RBFOX1: variants seen among roughly 807,000 people sequenced by gnomAD.
RBFOX1 encodes RNA binding fox-1 homolog 1.
RBFOX1 carries 8 observed loss-of-function variants against 57.7 expected under a neutral mutation model. The observed-to-expected ratio is 0.14, with a 90% CI of 0.08 to 0.25. The LOEUF (loss-of-function observed/expected upper bound fraction) is 0.25, where lower values mean the gene tolerates loss of function less well. Among genes scored for constraint, RBFOX1 ranks in the 10% least tolerant of loss-of-function variants. The probability of loss-of-function intolerance (pLI) is 1.00; values close to 1 mark genes in which losing one functional copy is unlikely to be tolerated. For synonymous variants in RBFOX1, 326 were observed against 222.4 expected, an observed-to-expected ratio of 1.47 and a Z score of -4.15; for missense variants, 611 against 548.5, an observed-to-expected ratio of 1.11 and a Z score of -1.14.
intron 3 of RBFOX1, among the ~76,000 whole-genome samples, chr16:6,659,724 A>C (rs1340220534): frequency 6.6e-6 from 1 of 152,158 alleles, no homozygotes; most frequent in African/African-American, 2.4e-5. Flanking sequence ...TAGCTGGTTC[A>C]CAGTGAGGAT....
Position 7,438,383 on chromosome 16 carries a change from G to T in RBFOX1, c.28-79764G>T, listed in dbSNP as rs914983130. On this transcript the variant is annotated intron_variant, in intron 4 of 15. Transcript: ENST00000550418. ...CTCTGGGGCCACGGTGAGCATGATG[G>T]TGAGACAGGTTCATTTTATTAAATT... Among the ~76,000 whole-genome samples, 4 of 152,106 alleles carry T rather than the reference G, an allele frequency of 2.6e-5. No individual in the cohort carries two copies. In the East Asian group the frequency reaches 5.8e-4, roughly 22 times the overall value.
chr16:7,271,351 G>C (rs565654869), intron 4 of RBFOX1, among the ~76,000 whole-genome samples: 1 of 151,632 alleles, frequency 6.6e-6, no homozygotes, highest in South Asian at 2.1e-4. Flanking sequence ...GTTATTTCTT[G>C]GGGGGAGCTC....
Position 6,019,804 on chromosome 16 carries a change from G to A in RBFOX1, c.-315G>A, listed in dbSNP as rs980117183. 7 of 1,489,214 alleles carry A rather than the reference G, an allele frequency of 4.7e-6. No homozygotes were observed. The highest frequency in any genetic ancestry group is 6.3e-6 in the Non-Finnish European group (7 of 1,118,608). The allele number at this position is 1,489,214 out of a possible 1,614,324, so 92.3% of individuals were successfully genotyped here. ...GTCCCCGCCTGTCCGGACCCTCGCCGCGCCCAGGCAGGCGCGCCAGGGCGG... is the reference window on the plus strand; with the variant it reads ...GTCCCCGCCTGTCCGGACCCTCGCCACGCCCAGGCAGGCGCGCCAGGGCGG... On this transcript the variant is annotated 5_prime_UTR_variant, in exon 1 of 16. Coordinates refer to ENST00000550418, the MANE Select transcript of RBFOX1 (RefSeq NM_018723.4). The surrounding 1 kb of genome is among the most constrained non-coding windows in gnomAD (Gnocchi z 4.2).
intron 2 of RBFOX1, among the ~76,000 whole-genome samples, chr16:6,378,590 T>A (rs1014672093): frequency 6.6e-6 from 1 of 152,126 alleles, no homozygotes; most frequent in African/African-American, 2.4e-5. Flanking sequence ...CTAAATAAGA[T>A]ATGCATTGTC....
chr16:6,778,050 G>T (rs987867457), intron 3 of RBFOX1, among the ~76,000 whole-genome samples: 1 of 152,096 alleles, frequency 6.6e-6, no homozygotes, highest in African/African-American at 2.4e-5. Flanking sequence ...GATAAATCTT[G>T]TCATTTCAAC....
At chr16:6,274,637 G>A (rs1487118587) in intron 1 of RBFOX1, among the ~76,000 whole-genome samples, 1 of 152,072 alleles carries the variant, frequency 6.6e-6, no homozygotes, top group East Asian at 1.9e-4. Flanking sequence ...CTATCATCAC[G>A]CAATCCCCTG....
At chr16:5,974,471 G>A (rs1394863055) in intron 4 of RBFOX1, among the ~76,000 whole-genome samples, 7 of 151,930 alleles carry the variant, frequency 4.6e-5, no homozygotes, top group Non-Finnish European at 5.9e-5. Flanking sequence ...TTAGCTGGCC[G>A]TGGTGGTGTG....
At chr16:6,860,525 C>T (rs952526873) in intron 3 of RBFOX1, among the ~76,000 whole-genome samples, 1 of 152,148 alleles carries the variant, frequency 6.6e-6, no homozygotes, top group African/African-American at 2.4e-5. Context: ...ATGGGACATT[C>T]AAGATGCATG....
rs80124099 is a variant in RBFOX1 at position 7,176,166 on chromosome 16, C to T, written c.27+124068C>T. ...TACATGCTAGGTGTGTGATTTTGGA[C>T]AGGCTCCTTAACTGTGTTAGCTTTG... On this transcript the variant is annotated intron_variant, in intron 4 of 15. Coordinates refer to ENST00000550418, the MANE Select transcript of RBFOX1 (RefSeq NM_018723.4). 1.0e-3 allele frequency among the ~76,000 whole-genome samples: 143 copies of T among 140,572 alleles called. 3 individuals carry two copies. In the East Asian group the frequency reaches 0.031, roughly 31 times the overall value. 92.2% of individuals were successfully genotyped at this position (140,572 alleles called of 152,430 possible). A position where few individuals can be genotyped will look rare whatever the true frequency, so the allele number is the denominator to read the frequency against.
At chr16:7,221,352 T>TTTAA in intron 4 of RBFOX1, among the ~76,000 whole-genome samples, 1 of 149,862 alleles carries the variant, frequency 6.7e-6, no homozygotes, top group African/African-American at 2.5e-5. Flanking sequence ...TGATTATTTA[T>TTTAA]TTATTTATTT....
intron 1 of RBFOX1, among the ~76,000 whole-genome samples, chr16:6,035,486 T>A (rs2095353897): frequency 6.6e-6 from 1 of 152,074 alleles, no homozygotes; most frequent in Non-Finnish European, 1.5e-5. Flanking sequence ...TTTAGAAACG[T>A]CCTTGAAAAA....
At chr16:7,004,509 C>G (rs564990254) in intron 3 of RBFOX1, among the ~76,000 whole-genome samples, 2 of 152,128 alleles carry the variant, frequency 1.3e-5, no homozygotes, top group African/African-American at 4.8e-5. Context: ...AGTTGGTATG[C>G]CAGCACTCCA....
At chr16:7,667,568 C>T (rs1023051456) in intron 13 of RBFOX1, among the ~76,000 whole-genome samples, 35 of 152,316 alleles carry the variant, frequency 2.3e-4, no homozygotes, top group African/African-American at 8.4e-4. Context: ...TTTTGGCTTA[C>T]TCCTTCAAGC....
chr16:7,223,667 A>G (rs1387827292), intron 4 of RBFOX1, among the ~76,000 whole-genome samples: 3 of 151,768 alleles, frequency 2.0e-5, no homozygotes, highest in African/African-American at 7.3e-5. Context: ...TCAGAACTAA[A>G]GAAATGTTGA....
chr16:6,307,216 A>C (rs932350995), intron 1 of RBFOX1, among the ~76,000 whole-genome samples: 2 of 152,126 alleles, frequency 1.3e-5, no homozygotes, highest in African/African-American at 4.8e-5. Context: ...GACTTCTGCA[A>C]GTAAAGTGCC....
At chr16:7,254,811 T>A (rs2094613156) in intron 4 of RBFOX1, among the ~76,000 whole-genome samples, 1 of 152,168 alleles carries the variant, frequency 6.6e-6, no homozygotes, top group South Asian at 2.1e-4. Context: ...CATACAATGA[T>A]GAACAAGAAG....
chr16:6,912,661 G>A (rs778043812), intron 3 of RBFOX1, among the ~76,000 whole-genome samples: 16 of 150,856 alleles, frequency 1.1e-4, no homozygotes, highest in Non-Finnish European at 1.6e-4. Context: ...TGTCATCCAG[G>A]CTGGAGTACA....
intron 3 of RBFOX1, among the ~76,000 whole-genome samples, chr16:5,693,640 G>C (rs1479141977): frequency 6.6e-6 from 1 of 152,150 alleles, no homozygotes; most frequent in Non-Finnish European, 1.5e-5. Flanking sequence ...GTTTGTGAAA[G>C]ACGCAGCGAG....
chr16:5,729,383 T>G (rs1319004744), intron 3 of RBFOX1, among the ~76,000 whole-genome samples: 2 of 140,796 alleles, frequency 1.4e-5, no homozygotes, highest in Non-Finnish European at 3.0e-5. Context: ...AGCTAGCTTT[T>G]TTTTTTTCTT....
Sources: gnomAD v4.1 joint callset for allele counts (sites outside exome capture counted in the v4.1 genomes callset) on GRCh38, gnomAD v4.1.1 for gene constraint, Gnocchi (gnomAD v3.1) non-coding constraint, MANE v1.5 for transcripts, NCBI Gene and HGNC (gene_info 2026-07-23, HGNC 2026-07-21) for gene names.